The following MEI4 variants were observed in gnomAD, a reference collection of about 807,000 sequenced individuals.
MEI4 encodes meiotic double-stranded break formation protein 4.
MEI4 carries 27 observed loss-of-function variants against 31.4 expected under a neutral mutation model. The ratio of observed to expected loss-of-function variants is 0.86; its 90% CI spans 0.63 to 1.19. The LOEUF (loss-of-function observed/expected upper bound fraction) is 1.19. MEI4 is among the 50% of genes most tolerant of loss of function. MEI4 has a pLI of 0.00. For synonymous variants in MEI4, 122 were observed against 145.4 expected, an observed-to-expected ratio of 0.84 and a Z score of 1.16; for missense variants, 329 against 398.9, an observed-to-expected ratio of 0.82 and a Z score of 1.49.
chr6:77,841,335 T>TATATATATATATATATA (rs1447791713), intron 4 of MEI4, among the ~76,000 whole-genome samples: 4 of 21,286 alleles, frequency 1.9e-4, no homozygotes, highest in African/African-American at 1.7e-3. Context: ...ATATATATAT[T>TATATATATATATATATA]TTTTTTTTTT....
In MEI4 at chr6:77,821,841, A is replaced by C. The variant is rs546686768; in HGVS notation, c.769-7090A>C. Among the ~76,000 whole-genome samples, 9 of 145,062 alleles carry C rather than the reference A, an allele frequency of 6.2e-5. No individual in the cohort carries two copies. In the South Asian group the frequency reaches 2.0e-3, roughly 32 times the overall value. Reference sequence around the variant, plus strand: ...AAAAAAAATCGTGCTGCTTACTGGTATTATTATTATTAATTATTGGGGGTG... The same window carrying C: ...AAAAAAAATCGTGCTGCTTACTGGTCTTATTATTATTAATTATTGGGGGTG... On this transcript the variant is annotated intron_variant, in intron 3 of 4. Transcript: ENST00000684080.
intron 4 of MEI4, among the ~76,000 whole-genome samples, chr6:77,911,525 A>G (rs918402308): frequency 5.3e-5 from 8 of 151,644 alleles, no homozygotes; most frequent in Non-Finnish European, 1.2e-4. Flanking sequence ...TGTGTACTCA[A>G]TGTTTAGCTT....
chr6:77,780,869 C>T (rs1310952996), intron 3 of MEI4, among the ~76,000 whole-genome samples: 1 of 151,724 alleles, frequency 6.6e-6, no homozygotes, highest in Non-Finnish European at 1.5e-5. Context: ...AAGTATGCTC[C>T]AATAAGCCAT....
chr6:77,923,242 G>GAAACT lies in MEI4; in HGVS notation c.1056_1060dup (p.Ile354LysfsTer24), dbSNP rs1766753120. ...CAAGAAATTTCTTCAGAAGCATGAT[G>GAAACT]AAACTATTTTCCAACTTTCTGATGC... On this transcript the variant is annotated frameshift_variant, in exon 5 of 5. Coordinates refer to ENST00000684080, the MANE Select transcript of MEI4 (RefSeq NM_001322247.2). LOFTEE classifies it high-confidence loss of function. The GAAACT allele has an allele frequency of 8.1e-6, 10 of 1,230,490 alleles. No individual in the cohort carries two copies. Among genetic ancestry groups the GAAACT allele is most frequent in the Non-Finnish European group, 1.0e-5 (10 of 986,852 alleles). The allele number at this position is 1,230,490 out of a possible 1,614,324, so 76.2% of individuals were successfully genotyped here.
rs1456389895 is a variant in MEI4 at position 77,926,606 on chromosome 6, A to G, written c.*3260A>G. ...AAGGCATTTGCATTTCCAAAATTTT[A>G]TGTACATTTACAGATTTTCTGAACG... On this transcript the variant is annotated 3_prime_UTR_variant, in exon 5 of 5. Transcript: ENST00000684080. 3 of 151,948 alleles carry G rather than the reference A, an allele frequency of 2.0e-5. No individual in the cohort carries two copies. Among genetic ancestry groups the G allele is most frequent in the African/African-American group, 7.2e-5 (3 of 41,424 alleles). 9.4% of individuals were successfully genotyped at this position (151,948 alleles called of 1,614,324 possible).
intron 2 of MEI4, among the ~76,000 whole-genome samples, chr6:77,759,334 C>T (rs1767992340): frequency 6.6e-6 from 1 of 152,038 alleles, no homozygotes; most frequent in South Asian, 2.1e-4. Flanking sequence ...TGCCCATACT[C>T]TCTCTGAATG....
intron 2 of MEI4, among the ~76,000 whole-genome samples, chr6:77,712,124 G>C (rs758605187): frequency 6.6e-6 from 1 of 152,178 alleles, no homozygotes; most frequent in Non-Finnish European, 1.5e-5. Context: ...TTGATGCAGA[G>C]GTGCTTTTTA....
intron 1 of MEI4, among the ~76,000 whole-genome samples, chr6:77,671,394 AGTCT>A (rs1487819793): frequency 2.0e-5 from 3 of 152,138 alleles, no homozygotes; most frequent in African/African-American, 7.2e-5. Context: ...TATGTTTATT[AGTCT>A]GTTAATTTCC....
At chr6:77,805,625 A>G (rs938827396) in intron 3 of MEI4, among the ~76,000 whole-genome samples, 1 of 152,152 alleles carries the variant, frequency 6.6e-6, no homozygotes, top group African/African-American at 2.4e-5. Context: ...AGTGTCTTAG[A>G]CCAGGAAAAT....
At chr6:77,910,121 G>T (rs1766398359) in intron 4 of MEI4, among the ~76,000 whole-genome samples, 1 of 152,128 alleles carries the variant, frequency 6.6e-6, no homozygotes. Flanking sequence ...GGCAAAAACT[G>T]GAAGCATTCC....
At chr6:77,697,874 T>C (rs535097782) in intron 2 of MEI4, among the ~76,000 whole-genome samples, 35 of 152,270 alleles carry the variant, frequency 2.3e-4, no homozygotes, top group Admixed American at 2.2e-3. Flanking sequence ...GGTGTTAAAG[T>C]CTCCCATTAT....
intron 2 of MEI4, among the ~76,000 whole-genome samples, chr6:77,756,668 T>TC (rs1224880119): frequency 1.3e-4 from 19 of 150,148 alleles, no homozygotes; most frequent in Admixed American, 1.1e-3. Flanking sequence ...TTCCTCTCTC[T>TC]CCCCCCCGCC....
intron 2 of MEI4, among the ~76,000 whole-genome samples, chr6:77,734,014 C>G (rs1173648348): frequency 6.6e-6 from 1 of 151,960 alleles, no homozygotes. Flanking sequence ...AATTTCTTTT[C>G]TTTTACACTT....
At position 77,893,902 on chromosome 6, in the gene MEI4, T is replaced by C. The variant is rs538182026; in HGVS notation, c.901-29187T>C. On this transcript the variant is annotated intron_variant, in intron 4 of 4. Transcript: ENST00000684080. Reference sequence around the variant, plus strand: ...CTTCTCCTAAGCTTTTTATATTACATATGAACCTTCCTTAAAAAAATTTCT... The same window carrying C: ...CTTCTCCTAAGCTTTTTATATTACACATGAACCTTCCTTAAAAAAATTTCT... 3.9e-5 allele frequency among the ~76,000 whole-genome samples: 6 copies of C among 152,256 alleles called. No homozygotes were observed. The East Asian group carries it at 9.6e-4, about 24-fold the overall frequency.
intron 4 of MEI4, among the ~76,000 whole-genome samples, chr6:77,917,456 T>C (rs374745369): frequency 4.7e-5 from 7 of 150,436 alleles, no homozygotes; most frequent in Admixed American, 1.3e-4. Context: ...TTTTAATGAT[T>C]GCCATTCTAA....
chr6:77,737,220 T>C (rs948555371), intron 2 of MEI4, among the ~76,000 whole-genome samples: 1 of 152,196 alleles, frequency 6.6e-6, no homozygotes, highest in African/African-American at 2.4e-5. Context: ...CATAAGTTAT[T>C]TATTTAGGTT....
In MEI4 at chr6:77,797,800, G is replaced by A. The variant is rs1243035599; in HGVS notation, c.769-31131G>A. On this transcript the variant is annotated intron_variant, in intron 3 of 4. Coordinates refer to ENST00000684080, the MANE Select transcript of MEI4 (RefSeq NM_001322247.2). Reference sequence around the variant, plus strand: ...ACTGGATGGTGCCCACCCACGTTGAGGGTGGGTCTTCATCTGCCAGTCCAC... The same window carrying A: ...ACTGGATGGTGCCCACCCACGTTGAAGGTGGGTCTTCATCTGCCAGTCCAC... Among the ~76,000 whole-genome samples, 3 of 152,038 alleles carry A rather than the reference G, an allele frequency of 2.0e-5. No homozygotes were observed. In the South Asian group the frequency reaches 6.2e-4, roughly 32 times the overall value.
chr6:77,712,027 A>T (rs1342270107), intron 2 of MEI4, among the ~76,000 whole-genome samples: 1 of 152,156 alleles, frequency 6.6e-6, no homozygotes, highest in African/African-American at 2.4e-5. Flanking sequence ...CCTTCCATTG[A>T]TTCACCTTGT....
upstream of MEI4, among the ~76,000 whole-genome samples, chr6:77,650,737 C>T (rs1768285478): frequency 6.6e-6 from 1 of 152,226 alleles, no homozygotes; most frequent in African/African-American, 2.4e-5. Flanking sequence ...CACGTTTGGA[C>T]GTTTCTGTTT....
Sources: allele counts gnomAD v4.1 joint callset (sites outside exome capture counted in the v4.1 genomes callset), GRCh38; gene constraint gnomAD v4.1.1; transcripts MANE v1.5; gene names NCBI Gene and HGNC (gene_info 2026-07-23, HGNC 2026-07-21).